The following KIF3A variants were observed in gnomAD, a reference collection of about 807,000 sequenced individuals.
The protein encoded by KIF3A is kinesin-like protein KIF3A.
In KIF3A, 27 loss-of-function variants were observed where a neutral mutation model predicts 92.6. That is an observed-to-expected ratio of 0.29 (90% CI 0.21 to 0.40). KIF3A has a LOEUF of 0.40. KIF3A is among the 10% of genes least tolerant of loss of function. The pLI, the probability that KIF3A is intolerant of heterozygous loss-of-function variation, is 1.00. For missense variants in KIF3A, 581 were observed against 872.6 expected (o/e 0.67, Z 4.21); for synonymous variants, 250 against 275.4 (o/e 0.91, Z 0.92).
chr5:132,708,981 G>A lies in KIF3A; in HGVS notation c.1229-3C>T. 1 of 1,548,120 alleles carries A rather than the reference G, an allele frequency of 6.5e-7. No individual in the cohort carries two copies. ...TGAACTACTGCTGCTGCTACTGCCT[G>A]GAAAACAAAGAAATGAGCCCAACAG... On this transcript the variant is annotated splice_polypyrimidine_tract_variant and splice_region_variant and intron_variant, in intron 9 of 18. Coordinates refer to ENST00000403231, the MANE Select transcript of KIF3A (RefSeq NM_001300791.2).
intron 8 of KIF3A, among the ~76,000 whole-genome samples, chr5:132,711,497 C>T (rs920761029): frequency 6.6e-6 from 1 of 151,952 alleles, no homozygotes. Context: ...GAGGCTGAGG[C>T]AGGAGAATCA....
chr5:132,690,361 C>T (rs567146385), downstream of KIF3A, among the ~76,000 whole-genome samples: 10 of 151,720 alleles, frequency 6.6e-5, no homozygotes, highest in South Asian at 2.1e-4. Context: ...ACTGCACTCA[C>T]GCCTGGGCAA....
intron 2 of KIF3A, 60 bp downstream of exon 2, chr5:132,734,145 T>G: frequency 3.8e-6 from 5 of 1,327,528 alleles, no homozygotes; most frequent in Non-Finnish European, 5.3e-6. Flanking sequence ...ATATGTGAAT[T>G]TATGGCACAG....
intron 8 of KIF3A, 40 bp from the exon 9 acceptor site, chr5:132,711,097 G>C (rs11740584): frequency 0.69 from 1,086,295 of 1,576,946 alleles, 389,390 homozygotes; most frequent in Non-Finnish European, 0.75. Context: ...TATCCTGTAC[G>C]AAGTCATTAG....
intron 17 of KIF3A, 161 bp from the exon 18 acceptor site, chr5:132,699,456 T>C: frequency 1.4e-6 from 1 of 709,714 alleles, no homozygotes; most frequent in Non-Finnish European, 2.4e-6. Flanking sequence ...GTATCTAAAA[T>C]GTACTTAATA....
intron 18 of KIF3A, chr5:132,697,451 G>GT (rs961985286): frequency 6.7e-6 from 1 of 148,304 alleles, no homozygotes; most frequent in African/African-American, 2.5e-5. Flanking sequence ...GGTCCATATA[G>GT]TTAAAAAAAA....
At chr5:132,710,616 A>AAAAC (rs536237180) in intron 9 of KIF3A, among the ~76,000 whole-genome samples, 33 of 152,306 alleles carry the variant, frequency 2.2e-4, no homozygotes, top group Admixed American at 5.2e-4. Flanking sequence ...ACTCCGTCTC[A>AAAAC]AAACAAACAA....
At chr5:132,729,237 T>G (rs1754143207) in intron 2 of KIF3A, among the ~76,000 whole-genome samples, 1 of 151,992 alleles carries the variant, frequency 6.6e-6, no homozygotes. Context: ...AAGAACTTAT[T>G]CATGTAACTA....
At chr5:132,699,349 A>T in intron 17 of KIF3A, 54 bp from the exon 18 acceptor site, 1 of 1,575,748 alleles carries the variant, frequency 6.3e-7, no homozygotes, top group Non-Finnish European at 8.6e-7. Flanking sequence ...TTAAAGCCAG[A>T]TTTGGGGGAA....
At chr5:132,716,186 G>A in intron 7 of KIF3A, 59 bp downstream of exon 7, 1 of 1,334,846 alleles carries the variant, frequency 7.5e-7, no homozygotes, top group Non-Finnish European at 1.1e-6. Flanking sequence ...ATCAATTATT[G>A]GCATAAATTA....
Position 132,720,678 on chromosome 5 carries a change from C to A in KIF3A, c.547G>T (p.Asp183Tyr). Reference protein sequence around the residue: ...ERPDVGVYIKDLSAYVVNNAD... With the variant: ...ERPDVGVYIKYLSAYVVNNAD... ...TTATTTACCACATAAGCTGATAAAT[C>A]TTTGATATAAACTCCCACATCAGGT... The change falls in exon 5 of 19, where the codon GAT (aspartate) becomes TAT (tyrosine). Residue 183 changes from aspartate to tyrosine, a missense_variant. By Grantham distance (160) the Asp-to-Tyr change is radical. Transcript: ENST00000403231. 2.5e-6 allele frequency: 4 copies of A among 1,611,456 alleles called. No individual in the cohort carries two copies. The highest frequency in any genetic ancestry group is 2.5e-6 in the Non-Finnish European group (3 of 1,178,240).
At chr5:132,725,005 TAA>T (rs974352605) in intron 4 of KIF3A, among the ~76,000 whole-genome samples, 2 of 140,936 alleles carry the variant, frequency 1.4e-5, no homozygotes, top group African/African-American at 2.6e-5. Flanking sequence ...TTTCCTAAAA[TAA>T]AAAAAAAAGG....
At position 132,703,568 on chromosome 5, in the gene KIF3A, T is replaced by A. The variant is rs1213579843; in HGVS notation, c.1361A>T (p.Asp454Val). 2.5e-6 allele frequency: 4 copies of A among 1,612,140 alleles called. No homozygotes were observed. Among genetic ancestry groups the A allele is most frequent in the Non-Finnish European group, 2.5e-6 (3 of 1,179,014 alleles). The change falls in exon 12 of 19, where the codon GAT (aspartate) becomes GTT (valine). Residue 454 changes from aspartate to valine, a missense_variant. Physicochemically the swap from Asp to Val is radical, Grantham distance 152. Transcript: ENST00000403231. ...TGTTTCAAGTGCTTTTCTCTCCTCA[T>A]CAATTTTTGCTTGCATTTCAATCAT... ...DKMIEMQAKI[D>V]EERKALETKL...
intron 11 of KIF3A, among the ~76,000 whole-genome samples, chr5:132,704,329 A>C (rs1753139376): frequency 6.6e-6 from 1 of 151,932 alleles, no homozygotes; most frequent in Admixed American, 6.6e-5. Context: ...AACAACTAAA[A>C]TAGCTTGTTA....
At chr5:132,711,095 A>C (rs779946814) in intron 8 of KIF3A, 38 bp from the exon 9 acceptor site, 47 of 1,593,448 alleles carry the variant, frequency 2.9e-5, no homozygotes, top group Non-Finnish European at 3.6e-5. Flanking sequence ...TTTATCCTGT[A>C]CGAAGTCATT....
chr5:132,691,332 G>A (rs1472651444), downstream of KIF3A, among the ~76,000 whole-genome samples: 1 of 152,142 alleles, frequency 6.6e-6, no homozygotes, highest in East Asian at 1.9e-4. Flanking sequence ...TGGATCACCT[G>A]AGGTTGGGAG....
intron 8 of KIF3A, among the ~76,000 whole-genome samples, chr5:132,711,629 A>G (rs1753429296): frequency 6.6e-6 from 1 of 151,972 alleles, no homozygotes; most frequent in African/African-American, 2.4e-5. Flanking sequence ...TTCTTTATGT[A>G]TAATTTTAAA....
intron 6 of KIF3A, 104 bp from the exon 7 acceptor site, chr5:132,716,546 T>G: frequency 1.1e-6 from 1 of 922,636 alleles, no homozygotes; most frequent in East Asian, 2.6e-5. Context: ...AAACCTGATA[T>G]GATGCCTGAA....
At chr5:132,734,550 C>T (rs7732520) in intron 1 of KIF3A, 72 bp from the exon 2 acceptor site, 1,414,995 of 1,417,566 alleles carry the variant, frequency 1, 706,216 homozygotes, top group Middle Eastern at 1. Flanking sequence ...AATTTATAAA[C>T]TTTAAAAGGC....
Sources: gnomAD v4.1 joint callset for allele counts (sites outside exome capture counted in the v4.1 genomes callset) on GRCh38, gnomAD v4.1.1 for gene constraint, MANE v1.5 for transcripts, NCBI Gene and HGNC (gene_info 2026-07-23, HGNC 2026-07-21) for gene names.